Variants in SLC44A5 observed in about 807,000 individuals in gnomAD.
The protein encoded by SLC44A5 is solute carrier family 44 member 5.
Under a neutral mutation model 101.8 loss-of-function variants are expected in SLC44A5, and 57 were observed. The ratio of observed to expected loss-of-function variants is 0.56; its 90% CI spans 0.45 to 0.70. The LOEUF (loss-of-function observed/expected upper bound fraction) is 0.70, where lower values mean the gene tolerates loss of function less well. Ranked by LOEUF, SLC44A5 falls within the 30% of genes least tolerant of loss-of-function variation. The pLI, the probability that SLC44A5 is intolerant of heterozygous loss-of-function variation, is 0.00. For missense variants in SLC44A5, 737 were observed against 853.1 expected (o/e 0.86, Z 1.70); for synonymous variants, 281 against 290.9 (o/e 0.97, Z 0.35).
chr1:75,354,875 T>C (rs114132659), intron 3 of SLC44A5, among the ~76,000 whole-genome samples: 1,661 of 152,282 alleles, frequency 0.011, 28 homozygotes, highest in African/African-American at 0.039. Context: ...CGGGCTTCTT[T>C]TCTGTGCCAC....
chr1:75,569,483 C>G (rs1309819709), intron 1 of SLC44A5, among the ~76,000 whole-genome samples: 1 of 152,128 alleles, frequency 6.6e-6, no homozygotes, highest in African/African-American at 2.4e-5. Context: ...CTCAAGTTAT[C>G]TGCCCTCATA....
At position 75,420,851 on chromosome 1, in the gene SLC44A5, G is replaced by A. The variant is rs115719974; in HGVS notation, c.14-24230C>T. On this transcript the variant is annotated intron_variant, in intron 2 of 23. Transcript: ENST00000370859. Reference sequence around the variant, plus strand: ...CTATTACTCTCTGTCAAGTGAAAACGTTTATGTCCCACAGTTAAGAGTATC... The same window carrying A: ...CTATTACTCTCTGTCAAGTGAAAACATTTATGTCCCACAGTTAAGAGTATC... Among the ~76,000 whole-genome samples, 855 of 152,140 alleles carry A rather than the reference G, an allele frequency of 5.6e-3. 6 individuals carry two copies. The highest frequency in any genetic ancestry group is 0.02 in the African/African-American group (814 of 41,518).
At chr1:75,407,062 A>G (rs1296645361) in intron 2 of SLC44A5, among the ~76,000 whole-genome samples, 1 of 152,170 alleles carries the variant, frequency 6.6e-6, no homozygotes, top group East Asian at 1.9e-4. Context: ...CTATACACCA[A>G]TAACAGACAA....
chr1:75,547,380 A>AGAACT (rs550262921), intron 1 of SLC44A5, among the ~76,000 whole-genome samples: 5 of 152,206 alleles, frequency 3.3e-5, no homozygotes, highest in Non-Finnish European at 5.9e-5. Flanking sequence ...AGAAAAGAGC[A>AGAACT]GAACTCTCAA....
intron 2 of SLC44A5, among the ~76,000 whole-genome samples, chr1:75,502,988 G>A (rs998283982): frequency 1.9e-4 from 29 of 151,948 alleles, no homozygotes; most frequent in Non-Finnish European, 1.9e-4. Flanking sequence ...CCTTGCTTAC[G>A]TCACAGAGTT....
chr1:75,669,962 A>T, the SLC44A5 span, among the ~76,000 whole-genome samples: 2 of 152,314 alleles, frequency 1.3e-5, no homozygotes, highest in East Asian at 3.9e-4. Context: ...CAAATATGGA[A>T]CCTATTTAAA....
intron 2 of SLC44A5, among the ~76,000 whole-genome samples, chr1:75,476,178 G>A (rs752592629): frequency 1.5e-4 from 23 of 150,750 alleles, no homozygotes; most frequent in Non-Finnish European, 2.8e-4. Flanking sequence ...AAGAGATTCT[G>A]TATCAAAAAA....
At chr1:75,404,384 GAC>G (rs1662710532) in intron 2 of SLC44A5, among the ~76,000 whole-genome samples, 1 of 152,092 alleles carries the variant, frequency 6.6e-6, no homozygotes, top group African/African-American at 2.4e-5. Flanking sequence ...GCAACCCAAA[GAC>G]ACATAATCAT....
intron 2 of SLC44A5, among the ~76,000 whole-genome samples, chr1:75,440,299 G>A (rs763311353): frequency 2.0e-4 from 30 of 152,076 alleles, no homozygotes; most frequent in Non-Finnish European, 4.4e-5. Context: ...GTGACATTTG[G>A]ACAAAGACCT....
At chr1:75,306,882 C>T (rs965838512) in intron 4 of SLC44A5, among the ~76,000 whole-genome samples, 4 of 151,632 alleles carry the variant, frequency 2.6e-5, no homozygotes, top group African/African-American at 9.7e-5. Flanking sequence ...CTACAGGCGC[C>T]CGCCATCACG....
chr1:75,214,000 G>GA lies in SLC44A5; in HGVS notation c.1803-12dup, dbSNP rs747129559. ...TCTGTAACTGCAACTCTGAGTATCAGAAAAAAAGAAAGTATAATTCTGTGT... is the reference window on the plus strand; with the variant it reads ...TCTGTAACTGCAACTCTGAGTATCAGAAAAAAAAGAAAGTATAATTCTGTGT... On this transcript the variant is annotated splice_polypyrimidine_tract_variant and intron_variant, in intron 20 of 23. Coordinates refer to ENST00000370859, the MANE Select transcript of SLC44A5 (RefSeq NM_001130058.2). The GA allele has an allele frequency of 3.3e-6, 5 of 1,506,056 alleles. No individual in the cohort carries two copies. Among genetic ancestry groups the GA allele is most frequent in the East Asian group, 2.3e-5 (1 of 44,250 alleles). The allele number at this position is 1,506,056 out of a possible 1,614,324, so 93.3% of individuals were successfully genotyped here.
intron 6 of SLC44A5, among the ~76,000 whole-genome samples, chr1:75,272,703 A>G (rs1651587867): frequency 6.6e-6 from 1 of 151,894 alleles, no homozygotes; most frequent in Non-Finnish European, 1.5e-5. Context: ...GGTGTTAAGT[A>G]TTTGGCTTTA....
chr1:75,423,846 T>C (rs1420985158), intron 2 of SLC44A5, among the ~76,000 whole-genome samples: 1 of 152,242 alleles, frequency 6.6e-6, no homozygotes, highest in Non-Finnish European at 1.5e-5. Flanking sequence ...TAACCCATCC[T>C]AATCAACTGC....
chr1:75,489,599 G>A (rs1406306396), intron 2 of SLC44A5, among the ~76,000 whole-genome samples: 1 of 152,178 alleles, frequency 6.6e-6, no homozygotes, highest in African/African-American at 2.4e-5. Flanking sequence ...GCTTTAGATG[G>A]AATGGCCTGC....
intron 2 of SLC44A5, among the ~76,000 whole-genome samples, chr1:75,534,247 G>A (rs957384296): frequency 2.6e-5 from 4 of 151,920 alleles, no homozygotes; most frequent in Admixed American, 1.3e-4. Flanking sequence ...TGTTAAAGTC[G>A]TCGGAATCAA....
At position 75,388,519 on chromosome 1, in the gene SLC44A5, G is replaced by T. The variant is rs573133616; in HGVS notation, c.52+8064C>A. Reference sequence around the variant, plus strand: ...ATATCGTCCATGTGCAGTGGCTCATGCCTGTAATTCCAGCACTTTGGGAGG... The same window carrying T: ...ATATCGTCCATGTGCAGTGGCTCATTCCTGTAATTCCAGCACTTTGGGAGG... On this transcript the variant is annotated intron_variant, in intron 3 of 23. Coordinates refer to ENST00000370859, the MANE Select transcript of SLC44A5 (RefSeq NM_001130058.2). Among the ~76,000 whole-genome samples the T allele has an allele frequency of 3.9e-5, 6 of 152,228 alleles. No individual in the cohort carries two copies. The South Asian group carries it at 1.2e-3, about 32-fold the overall frequency.
chr1:75,590,913 C>A (rs1490669216), intron 1 of SLC44A5, among the ~76,000 whole-genome samples: 1 of 152,152 alleles, frequency 6.6e-6, no homozygotes, highest in Non-Finnish European at 1.5e-5. Context: ...GGCTTTGCCA[C>A]CTGCTGGTTT....
At chr1:75,313,516 G>A (rs1022283148) in intron 4 of SLC44A5, among the ~76,000 whole-genome samples, 2 of 152,210 alleles carry the variant, frequency 1.3e-5, no homozygotes, top group African/African-American at 2.4e-5. Context: ...GGTTGTTGCT[G>A]TATTGTTGGC....
At chr1:75,333,667 G>A (rs971523923) in intron 4 of SLC44A5, among the ~76,000 whole-genome samples, 1 of 152,154 alleles carries the variant, frequency 6.6e-6, no homozygotes, top group African/African-American at 2.4e-5. Flanking sequence ...AAAGTTTGAA[G>A]TTCAGTAGGA....
Sources: allele counts gnomAD v4.1 joint callset (sites outside exome capture counted in the v4.1 genomes callset), GRCh38; gene constraint gnomAD v4.1.1; transcripts MANE v1.5; gene names NCBI Gene and HGNC (gene_info 2026-07-23, HGNC 2026-07-21).